Variants in AKR1C8 observed in about 807,000 individuals in gnomAD.
The protein encoded by AKR1C8 is aldo-keto reductase family 1 member C-like protein 1.
chr10:5,132,270 T>G, the AKR1C8 span, among the ~76,000 whole-genome samples: 1 of 152,090 alleles, frequency 6.6e-6, no homozygotes, highest in African/African-American at 2.4e-5. Flanking sequence ...AATCTCAGAA[T>G]CATCACTATA....
chr10:5,182,730 T>C, the AKR1C8 span, among the ~76,000 whole-genome samples: 2 of 151,932 alleles, frequency 1.3e-5, no homozygotes, highest in African/African-American at 4.8e-5. Flanking sequence ...GGCAACATAG[T>C]GAAACCCTGT....
the AKR1C8 span, among the ~76,000 whole-genome samples, chr10:5,127,814 T>C: frequency 6.6e-6 from 1 of 150,828 alleles, no homozygotes; most frequent in Non-Finnish European, 1.5e-5. Flanking sequence ...GAATAACTGG[T>C]GTTCCTGAGG....
chr10:5,165,043 T>C, the AKR1C8 span, among the ~76,000 whole-genome samples: 5 of 152,186 alleles, frequency 3.3e-5, no homozygotes, highest in African/African-American at 9.7e-5. Flanking sequence ...GGTACTGATT[T>C]TGTGATTCCC....
chr10:5,150,051 G>C, the AKR1C8 span, among the ~76,000 whole-genome samples: 1 of 152,054 alleles, frequency 6.6e-6, no homozygotes, highest in Non-Finnish European at 1.5e-5. Flanking sequence ...TATTAGTTTG[G>C]TCCCATGCAA....
the AKR1C8 span, among the ~76,000 whole-genome samples, chr10:5,120,544 G>A: frequency 1.3e-5 from 2 of 151,786 alleles, no homozygotes; most frequent in Non-Finnish European, 2.9e-5. Flanking sequence ...TGAATAATGA[G>A]TACCTTTTCA....
the AKR1C8 span, among the ~76,000 whole-genome samples, chr10:5,121,548 T>C: frequency 2.6e-5 from 4 of 152,052 alleles, no homozygotes; most frequent in Non-Finnish European, 5.9e-5. Context: ...GAAAAGGTAA[T>C]GCCACATTAA....
At chr10:5,130,954 G>C in the AKR1C8 span, among the ~76,000 whole-genome samples, 2 of 151,968 alleles carry the variant, frequency 1.3e-5, no homozygotes, top group Admixed American at 1.3e-4. Flanking sequence ...ATACTAGAAG[G>C]CTGTAGTTAG....
chr10:5,137,495 A>T, the AKR1C8 span, among the ~76,000 whole-genome samples: 2 of 152,172 alleles, frequency 1.3e-5, no homozygotes, highest in African/African-American at 4.8e-5. Context: ...CCAACAACAA[A>T]AATCACATGA....
chr10:5,158,663 C>A, the AKR1C8 span: 138,572 of 489,726 alleles, frequency 0.28, 22,572 homozygotes, highest in Non-Finnish European at 0.36. Flanking sequence ...CTTGGACTTG[C>A]AGAACTCCAG....
the AKR1C8 span, among the ~76,000 whole-genome samples, chr10:5,118,640 G>A: frequency 9.3e-3 from 1,423 of 152,234 alleles, 12 homozygotes; most frequent in Non-Finnish European, 0.015. Context: ...ATAAGAGGGC[G>A]AGAGAAGCTC....
At chr10:5,170,317 A>AT in the AKR1C8 span, among the ~76,000 whole-genome samples, 103 of 152,300 alleles carry the variant, frequency 6.8e-4, no homozygotes, top group African/African-American at 2.4e-3. Flanking sequence ...CAGGTGTGCT[A>AT]TAGTTTTTGA....
the AKR1C8 span, among the ~76,000 whole-genome samples, chr10:5,168,710 C>G: frequency 1.3e-5 from 2 of 151,916 alleles, no homozygotes; most frequent in Admixed American, 6.6e-5. Flanking sequence ...CTGTAACTGG[C>G]TGAAAAAGAA....
chr10:5,115,927 G>A, the AKR1C8 span, among the ~76,000 whole-genome samples: 1 of 152,136 alleles, frequency 6.6e-6, no homozygotes, highest in Non-Finnish European at 1.5e-5. Context: ...GTCATAGCCA[G>A]TATTGATGAC....
chr10:5,132,615 AAT>A, the AKR1C8 span: 4 of 1,581,806 alleles, frequency 2.5e-6, no homozygotes, highest in Non-Finnish European at 3.5e-6. Flanking sequence ...TGAAGTGTAG[AAT>A]ATGTCTTCTC....
At chr10:5,162,138 TG>T in the AKR1C8 span, among the ~76,000 whole-genome samples, 1 of 152,202 alleles carries the variant, frequency 6.6e-6, no homozygotes, top group Non-Finnish European at 1.5e-5. Flanking sequence ...AAGTCCTTGC[TG>T]GGATACTGAG....
chr10:5,122,686 A>G, the AKR1C8 span, among the ~76,000 whole-genome samples: 1 of 152,180 alleles, frequency 6.6e-6, no homozygotes. Context: ...ATCAGTCAGA[A>G]AACATTTTTT....
the AKR1C8 span, among the ~76,000 whole-genome samples, chr10:5,165,459 C>A: frequency 6.6e-6 from 1 of 151,990 alleles, no homozygotes; most frequent in Non-Finnish European, 1.5e-5. Context: ...TTCCCAATTC[C>A]TCTCCCTTCT....
chr10:5,178,673 A>G, the AKR1C8 span, among the ~76,000 whole-genome samples: 334 of 152,202 alleles, frequency 2.2e-3, 2 homozygotes, highest in South Asian at 0.019. Flanking sequence ...CCTGTATTGG[A>G]TGCATATATA....
the AKR1C8 span, among the ~76,000 whole-genome samples, chr10:5,166,939 C>T: frequency 9.4e-6 from 1 of 106,082 alleles, no homozygotes; most frequent in Non-Finnish European, 2.3e-5. Flanking sequence ...AACAAATTTA[C>T]AAGAAAAAAA....
Sources: allele counts gnomAD v4.1 joint callset (sites outside exome capture counted in the v4.1 genomes callset), GRCh38; gene constraint gnomAD v4.1.1; transcripts MANE v1.5; gene names NCBI Gene and HGNC (gene_info 2026-07-23, HGNC 2026-07-21).